Variants in CSMD1 observed in about 807,000 individuals in gnomAD.
The protein encoded by CSMD1 is CUB and sushi domain-containing protein 1.
CSMD1 carries 213 observed loss-of-function variants against 417.5 expected under a neutral mutation model. The ratio of observed to expected loss-of-function variants is 0.51; its 90% CI spans 0.46 to 0.57. The LOEUF (loss-of-function observed/expected upper bound fraction) is 0.57. Among genes scored for constraint, CSMD1 ranks in the 20% least tolerant of loss-of-function variants. The pLI is 0.00. For synonymous variants in CSMD1, 2,862 were observed against 1,736.8 expected (o/e 1.65, Z -16.11); for missense variants, 6,923 against 4,529.7 (o/e 1.53, Z -15.17).
At chr8:3,475,448 T>A (rs1018289761) in intron 11 of CSMD1, among the ~76,000 whole-genome samples, 1 of 152,248 alleles carries the variant, frequency 6.6e-6, no homozygotes, top group Admixed American at 6.5e-5. Flanking sequence ...CAAATAATGA[T>A]GTAAATCTTA....
chr8:4,094,248 G>C (rs539606001), intron 3 of CSMD1, among the ~76,000 whole-genome samples: 1 of 152,134 alleles, frequency 6.6e-6, no homozygotes, highest in South Asian at 2.1e-4. Flanking sequence ...CAAGTTGACT[G>C]TTTGTAAATC....
chr8:4,557,860 A>G (rs1032036106), intron 2 of CSMD1, among the ~76,000 whole-genome samples: 4 of 152,174 alleles, frequency 2.6e-5, no homozygotes, highest in Admixed American at 2.6e-4. Flanking sequence ...CACTCTTTTT[A>G]TAAATGAAAT....
At chr8:4,367,159 A>G (rs1031286471) in intron 3 of CSMD1, among the ~76,000 whole-genome samples, 1 of 152,164 alleles carries the variant, frequency 6.6e-6, no homozygotes, top group Non-Finnish European at 1.5e-5. Context: ...GTTGTTTTCT[A>G]TGATTTTAAT....
intron 3 of CSMD1, among the ~76,000 whole-genome samples, chr8:4,167,551 T>G (rs540202852): frequency 3.9e-5 from 6 of 152,278 alleles, no homozygotes; most frequent in African/African-American, 1.4e-4. Context: ...TCTTGCTTGT[T>G]GCAGAAATTA....
At chr8:4,448,230 C>A (rs994030049) in intron 2 of CSMD1, among the ~76,000 whole-genome samples, 1 of 152,118 alleles carries the variant, frequency 6.6e-6, no homozygotes, top group Non-Finnish European at 1.5e-5. Flanking sequence ...CATCTTTATT[C>A]AGGTGAAGGA....
chr8:4,715,857 G>A (rs921106715), intron 1 of CSMD1, among the ~76,000 whole-genome samples: 7 of 152,102 alleles, frequency 4.6e-5, no homozygotes, highest in East Asian at 1.9e-4. Context: ...CTTGGATTAC[G>A]GGAATTGCCT....
intron 12 of CSMD1, among the ~76,000 whole-genome samples, chr8:3,422,808 T>C (rs1585142075): frequency 6.6e-6 from 1 of 152,146 alleles, no homozygotes. Flanking sequence ...AAGATCAAGA[T>C]AAAGGCACTG....
At chr8:3,070,248 A>T (rs73657555) in intron 49 of CSMD1, among the ~76,000 whole-genome samples, 8,985 of 152,290 alleles carry the variant, frequency 0.059, 268 homozygotes, top group Middle Eastern at 0.078. Context: ...CCTTTTAGTC[A>T]TGTAAATTTC....
chr8:4,278,730 T>C (rs1306656211), intron 3 of CSMD1, among the ~76,000 whole-genome samples: 1 of 152,188 alleles, frequency 6.6e-6, no homozygotes, highest in Non-Finnish European at 1.5e-5. Context: ...GCTGCCACTA[T>C]CATCTCTGTT....
At chr8:3,376,612 A>G (rs1263660544) in intron 18 of CSMD1, among the ~76,000 whole-genome samples, 1 of 152,042 alleles carries the variant, frequency 6.6e-6, no homozygotes, top group Non-Finnish European at 1.5e-5. Flanking sequence ...ATTAAAAAAA[A>G]TTTCAAAGTT....
Position 4,104,990 on chromosome 8 carries a change from A to T in CSMD1, c.416-72891T>A, listed in dbSNP as rs1000523327. On this transcript the variant is annotated intron_variant, in intron 3 of 69. Coordinates refer to ENST00000635120, the MANE Select transcript of CSMD1 (RefSeq NM_033225.6). ...TTCGATCATAATAGAACAGTTTCAC[A>T]TTAAAAAAAAAGCAATTCAATTAAA... 1.9e-4 allele frequency among the ~76,000 whole-genome samples: 21 copies of T among 109,788 alleles called. No homozygotes were observed. The East Asian group carries it at 4.4e-3, about 23-fold the overall frequency. 72.0% of individuals were successfully genotyped at this position (109,788 alleles called of 152,430 possible). A position where few individuals can be genotyped will look rare whatever the true frequency, so the allele number is the denominator to read the frequency against.
intron 5 of CSMD1, among the ~76,000 whole-genome samples, chr8:3,933,626 T>C (rs1352810876): frequency 6.6e-6 from 1 of 152,192 alleles, no homozygotes; most frequent in Non-Finnish European, 1.5e-5. Context: ...TAAGATACTG[T>C]TAGTCTCTAT....
At chr8:3,813,171 G>A (rs370393568) in intron 5 of CSMD1, among the ~76,000 whole-genome samples, 6 of 144,292 alleles carry the variant, frequency 4.2e-5, no homozygotes, top group African/African-American at 1.3e-4. Flanking sequence ...ACATTTCAAA[G>A]AAATTCATGA....
At chr8:4,014,987 C>G (rs903086029) in intron 4 of CSMD1, among the ~76,000 whole-genome samples, 1 of 152,120 alleles carries the variant, frequency 6.6e-6, no homozygotes, top group African/African-American at 2.4e-5. Flanking sequence ...TGTAGCACAG[C>G]AAATATGCAA....
At chr8:4,141,533 TACAA>T (rs1803789850) in intron 3 of CSMD1, among the ~76,000 whole-genome samples, 1 of 151,154 alleles carries the variant, frequency 6.6e-6, no homozygotes, top group Admixed American at 6.6e-5. Context: ...TTCACACATG[TACAA>T]ACAAAGGGGT....
At chr8:3,175,538 TCCCTCCCTCCCTCTCTCCCTCCCTG>T (rs1451869436) in intron 37 of CSMD1, among the ~76,000 whole-genome samples, 31 of 142,970 alleles carry the variant, frequency 2.2e-4, no homozygotes, top group Non-Finnish European at 3.9e-4. Flanking sequence ...CCTTCCTTCT[TCCCTCCCTCCCTCTCTCCCTCCCTG>T]CCTTCCTTCC....
intron 10 of CSMD1, among the ~76,000 whole-genome samples, chr8:3,530,955 C>T (rs1449283029): frequency 3.3e-5 from 5 of 151,276 alleles, no homozygotes; most frequent in South Asian, 2.1e-4. Context: ...CAGGTTCAAG[C>T]GATTCTCCTG....
chr8:4,695,358 C>T (rs1178408644), intron 1 of CSMD1, among the ~76,000 whole-genome samples: 1 of 152,142 alleles, frequency 6.6e-6, no homozygotes, highest in African/African-American at 2.4e-5. Flanking sequence ...AGAGTGAGGA[C>T]TGGCCCCTGT....
At chr8:3,709,083 A>G (rs756541138) in intron 6 of CSMD1, among the ~76,000 whole-genome samples, 16 of 152,064 alleles carry the variant, frequency 1.1e-4, no homozygotes, top group Admixed American at 7.9e-4. Context: ...GGCTTCTAGC[A>G]TCATCATTCT....
Sources: gnomAD v4.1 joint callset for allele counts (sites outside exome capture counted in the v4.1 genomes callset) on GRCh38, gnomAD v4.1.1 for gene constraint, MANE v1.5 for transcripts, NCBI Gene and HGNC (gene_info 2026-07-23, HGNC 2026-07-21) for gene names.